Variants in RYR1 observed in about 807,000 individuals in gnomAD.
RYR1 encodes the protein central core disease of muscle.
In RYR1, 342 loss-of-function variants were observed where a neutral mutation model predicts 583.5. The observed-to-expected ratio is 0.59, with a 90% CI of 0.54 to 0.64. The LOEUF (loss-of-function observed/expected upper bound fraction) is 0.64, where lower values mean the gene tolerates loss of function less well. Among genes scored for constraint, RYR1 ranks in the 30% least tolerant of loss-of-function variants. The pLI, the probability that RYR1 is intolerant of heterozygous loss-of-function variation, is 0.00. For missense variants in RYR1, 6,032 were observed against 6,917.2 expected (o/e 0.87, Z 4.54); for synonymous variants, 2,791 against 2,822.5 (o/e 0.99, Z 0.35).
intron 76 of RYR1, among the ~76,000 whole-genome samples, chr19:38,531,459 G>C (rs1237738929): frequency 6.6e-6 from 1 of 151,942 alleles, no homozygotes; most frequent in Non-Finnish European, 1.5e-5. Flanking sequence ...CATGGTGTTA[G>C]TGTAAACACT....
At chr19:38,442,518 A>C (rs1972742190) in intron 3 of RYR1, 65 bp downstream of exon 3, 8 of 1,223,392 alleles carry the variant, frequency 6.5e-6, no homozygotes, top group Non-Finnish European at 9.7e-6. Flanking sequence ...GGGGTCGTTT[A>C]GGGCACGGTG....
Position 38,443,563 on chromosome 19 carries a change from C to A in RYR1, c.276C>A (p.Ser92=), listed in dbSNP as rs1274449003. 5 of 1,613,852 alleles carry A rather than the reference C, an allele frequency of 3.1e-6. No homozygotes were observed. In the South Asian group the frequency reaches 5.5e-5, roughly 18 times the overall value. The change falls in exon 4 of 106, where the codon TCC becomes TCA. Residue 92 remains serine, a synonymous_variant. Coordinates refer to ENST00000359596, the MANE Select transcript of RYR1 (RefSeq NM_000540.3). ...TTCCCTCCCTCCCCCTGCAGTCATC[C>A]CAGGGCGGGGGACACAGGACGCTCC... ...ANTVEAGVES[S]QGGGHRTLLY... is the part of the protein sequence containing the mutation.
At chr19:38,504,110 TCC>T in intron 49 of RYR1, 108 bp from the exon 50 acceptor site, 1 of 624,254 alleles carries the variant, frequency 1.6e-6, no homozygotes. Context: ...AACCCACACC[TCC>T]TTCATAATTT....
rs1972045996 is a variant in RYR1 at position 38,537,962 on chromosome 19, TGAG to T, written c.11689+10_11689+12del. 6.2e-7 allele frequency: 1 copy of T among 1,609,088 alleles called. No homozygotes were observed. Among genetic ancestry groups the T allele is most frequent in the Non-Finnish European group, 8.5e-7 (1 of 1,176,806 alleles). On this transcript the variant is annotated splice_donor_5th_base_variant and intron_variant, in intron 84 of 105. Transcript: ENST00000359596. ...TGCTCTGTGAGGGGCACAATAATGG[TGAG>T]GAGGAGGGGTGTGGGGTGGAGGGGA...
intron 87 of RYR1, among the ~76,000 whole-genome samples, chr19:38,545,633 A>G (rs962847325): frequency 3.9e-5 from 6 of 152,142 alleles, no homozygotes; most frequent in Non-Finnish European, 8.8e-5. Context: ...ACCAACATGG[A>G]GAAACCCCAT....
chr19:38,441,648 G>A (rs1209262108), intron 2 of RYR1, among the ~76,000 whole-genome samples: 1 of 149,864 alleles, frequency 6.7e-6, no homozygotes, highest in Non-Finnish European at 1.5e-5. Flanking sequence ...GGGAGACTGG[G>A]GGCTGAGAGG....
In RYR1 at chr19:38,561,516, T is replaced by C. The variant is rs943456331; in HGVS notation, c.12624+62T>C. 2.2e-5 allele frequency: 33 copies of C among 1,496,070 alleles called. 1 individual carries two copies. The Middle Eastern group carries it at 1.1e-3, about 49-fold the overall frequency. The allele number at this position is 1,496,070 out of a possible 1,614,324, so 92.7% of individuals were successfully genotyped here. A position where few individuals can be genotyped will look rare whatever the true frequency, so the allele number is the denominator to read the frequency against. ...GGGCTTCGGGCATGCGGGTGCTCAC[T>C]TCCTGCACCCTCAGACCCCACGGGG... is the stretch of plus-strand genomic sequence containing the variant. On this transcript the variant is annotated intron_variant, in intron 90 of 105. Coordinates refer to ENST00000359596, the MANE Select transcript of RYR1 (RefSeq NM_000540.3). This position sits in a 1 kb window ranked among gnomAD's most constrained non-coding sequence, Gnocchi z 4.8.
At position 38,561,331 on chromosome 19, in the gene RYR1, G is replaced by C. The variant is rs1599625898; in HGVS notation, c.12501G>C (p.Glu4167Asp). The change falls in exon 90 of 106, where the codon GAG (glutamate) becomes GAC (aspartate). Residue 4167 changes from glutamate to aspartate, a missense_variant. This residue lies in a region of RYR1 where 753 missense variants were observed against 759.6 expected (regional missense o/e 0.99). Coordinates refer to ENST00000359596, the MANE Select transcript of RYR1 (RefSeq NM_000540.3). The surrounding 1 kb of genome is among the most constrained non-coding windows in gnomAD (Gnocchi z 4.8). ...TGCACAACTTCCTGGAGCTGGCCGA[G>C]AGCATCCTTGAGTACTTCCGCCCCT... ...PRLHNFLELAESILEYFRPYL... is the reference protein window; with the variant it reads ...PRLHNFLELADSILEYFRPYL... The C allele has an allele frequency of 1.9e-6, 3 of 1,613,992 alleles. No homozygotes were observed. Among genetic ancestry groups the C allele is most frequent in the Non-Finnish European group, 2.5e-6 (3 of 1,180,028 alleles).
chr19:38,576,577 C>T (rs1271652118), intron 97 of RYR1, among the ~76,000 whole-genome samples: 2 of 151,864 alleles, frequency 1.3e-5, no homozygotes, highest in African/African-American at 2.4e-5. Context: ...TTTGGGAGGC[C>T]GAGGTGGGCA....
intron 72 of RYR1, 58 bp downstream of exon 72, chr19:38,527,110 G>T (rs1049774113): frequency 2.5e-6 from 4 of 1,579,674 alleles, no homozygotes; most frequent in Middle Eastern, 1.7e-4. Context: ...CACAATATTA[G>T]TGAAGGTTTG....
chr19:38,565,144 G>GGGCGCGGAA lies in RYR1; in HGVS notation c.12819_12827dup (p.Gly4274_Glu4276dup). 2 of 1,521,196 alleles carry GGGCGCGGAA rather than the reference G, an allele frequency of 1.3e-6. No homozygotes were observed. Among genetic ancestry groups the GGGCGCGGAA allele is most frequent in the Non-Finnish European group, 1.8e-6 (2 of 1,138,258 alleles). 94.2% of individuals were successfully genotyped at this position (1,521,196 alleles called of 1,614,324 possible). A position where few individuals can be genotyped will look rare whatever the true frequency, so the allele number is the denominator to read the frequency against. The stretch of plus-strand genomic sequence containing the variant: ...ACGAGGGCGCGGGCGCGGCGGAGGC[G>GGGCGCGGAA]GGCGCGGAAGGCGCGGAGGAGGGCG... On this transcript the variant is annotated inframe_insertion, in exon 91 of 106. Coordinates refer to ENST00000359596, the MANE Select transcript of RYR1 (RefSeq NM_000540.3). This position sits in a 1 kb window ranked among gnomAD's most constrained non-coding sequence, Gnocchi z 4.7.
At position 38,543,945 on chromosome 19, in the gene RYR1, C is replaced by A; in HGVS notation, c.12012+70C>A. On this transcript the variant is annotated intron_variant, in intron 87 of 105. Transcript: ENST00000359596. The surrounding 1 kb of genome is among the most constrained non-coding windows in gnomAD (Gnocchi z 4.4). ...CCAAGTGGTCCATTTCCAAGTCTTG[C>A]CCCTTTGGTCAGTTTGTCACCCGAG... 2.1e-6 allele frequency: 3 copies of A among 1,448,484 alleles called. No homozygotes were observed. Among genetic ancestry groups the A allele is most frequent in the Non-Finnish European group, 1.9e-6 (2 of 1,066,102 alleles). 89.7% of individuals were successfully genotyped at this position (1,448,484 alleles called of 1,614,324 possible).
intron 13 of RYR1, among the ~76,000 whole-genome samples, chr19:38,454,908 TG>T (rs756082930): frequency 5.3e-5 from 8 of 150,078 alleles, no homozygotes; most frequent in Non-Finnish European, 1.2e-4. Context: ...TTGGTGGGAG[TG>T]GGGTTCCTGG....
At position 38,446,423 on chromosome 19, in the gene RYR1, TC is replaced by T. The variant is rs767845134; in HGVS notation, c.632-47del. The T allele has an allele frequency of 6.4e-6, 9 of 1,415,110 alleles. No individual in the cohort carries two copies. The South Asian group carries it at 1.0e-4, about 16-fold the overall frequency. The allele number at this position is 1,415,110 out of a possible 1,614,324, so 87.7% of individuals were successfully genotyped here. On this transcript the variant is annotated intron_variant, in intron 7 of 105. Coordinates refer to ENST00000359596, the MANE Select transcript of RYR1 (RefSeq NM_000540.3). ...CTGACTTCATCTTGGCTCCTGGTCT[TC>T]CTGGGGCTCCAGCCTCCCATTGACC...
intron 90 of RYR1, among the ~76,000 whole-genome samples, chr19:38,563,090 C>T (rs1973227521): frequency 6.6e-6 from 1 of 152,184 alleles, no homozygotes; most frequent in Non-Finnish European, 1.5e-5. Context: ...CTCCTCTCTT[C>T]CTCTGACCCT....
chr19:38,549,614 A>T (rs1362448143), intron 89 of RYR1, among the ~76,000 whole-genome samples: 1 of 151,422 alleles, frequency 6.6e-6, no homozygotes, highest in Non-Finnish European at 1.5e-5. Context: ...AGAACAGCAC[A>T]TAGAATTTCT....
intron 89 of RYR1, among the ~76,000 whole-genome samples, chr19:38,560,367 GA>G (rs899934780): frequency 6.5e-5 from 9 of 137,438 alleles, no homozygotes; most frequent in Non-Finnish European, 1.3e-4. Flanking sequence ...CCCTGTCTCA[GA>G]AAAAAAAAAC....
At chr19:38,438,357 C>T (rs1345659650) in intron 1 of RYR1, among the ~76,000 whole-genome samples, 2 of 150,574 alleles carry the variant, frequency 1.3e-5, no homozygotes, top group Non-Finnish European at 2.9e-5. Context: ...CTGTCTCCAC[C>T]ATGAGGATTT....
At position 38,440,744 on chromosome 19, in the gene RYR1, G is replaced by A. The variant is rs1238479593; in HGVS notation, c.46-1G>A. 2 of 1,606,216 alleles carry A rather than the reference G, an allele frequency of 1.2e-6. No individual in the cohort carries two copies. The highest frequency in any genetic ancestry group is 1.7e-6 in the Non-Finnish European group (2 of 1,176,148). ...GGAGACGCTGCCCCTCGGTTCCGCA[G>A]GACGATGAGGTGGTCCTGCAGTGCA... is the stretch of plus-strand genomic sequence containing the variant. On this transcript the variant is annotated splice_acceptor_variant, in intron 1 of 105. Coordinates refer to ENST00000359596, the MANE Select transcript of RYR1 (RefSeq NM_000540.3). LOFTEE classifies it high-confidence loss of function.
Sources: allele counts gnomAD v4.1 joint callset (sites outside exome capture counted in the v4.1 genomes callset), GRCh38; gene constraint gnomAD v4.1.1; regional missense constraint gnomAD v4.1.1; non-coding constraint Gnocchi (gnomAD v3.1); transcripts MANE v1.5; gene names NCBI Gene and HGNC (gene_info 2026-07-23, HGNC 2026-07-21).